CTNNA3: variants seen among roughly 807,000 people sequenced by gnomAD.
CTNNA3 encodes the protein catenin alpha-3.
Under a neutral mutation model 95.7 loss-of-function variants are expected in CTNNA3, and 76 were observed. The observed-to-expected ratio is 0.79, with a 90% CI of 0.66 to 0.96. CTNNA3 has a LOEUF of 0.96. Ranked by LOEUF, CTNNA3 falls within the 40% of genes least tolerant of loss-of-function variation. CTNNA3 has a pLI of 0.00. For synonymous variants in CTNNA3, 431 were observed against 374.4 expected (o/e 1.15, Z -1.74); for missense variants, 1,191 against 1,089.8 (o/e 1.09, Z -1.31).
intron 5 of CTNNA3, among the ~76,000 whole-genome samples, chr10:67,492,363 A>AC (rs5785826): frequency 1 from 152,072 of 152,358 alleles, 75,896 homozygotes; most frequent in Non-Finnish European, 1. Context: ...AAAGGCAGAA[A>AC]TAGATTACTG....
chr10:66,997,182 A>G (rs1383413015), intron 7 of CTNNA3, among the ~76,000 whole-genome samples: 2 of 152,134 alleles, frequency 1.3e-5, no homozygotes, highest in African/African-American at 4.8e-5. Flanking sequence ...AACCCTTTGT[A>G]TTATTTCAGC....
chr10:65,948,330 A>C (rs1237420921), intron 17 of CTNNA3, among the ~76,000 whole-genome samples: 1 of 151,722 alleles, frequency 6.6e-6, no homozygotes, highest in African/African-American at 2.4e-5. Flanking sequence ...AAGCGCATGC[A>C]TGCACACCCC....
intron 1 of CTNNA3, among the ~76,000 whole-genome samples, chr10:67,692,997 A>T (rs995421520): frequency 6.6e-6 from 1 of 152,224 alleles, no homozygotes; most frequent in African/African-American, 2.4e-5. Flanking sequence ...GCAGAAAATC[A>T]TCCTGGTTAG....
chr10:67,444,488 T>C (rs1846661724), intron 5 of CTNNA3, among the ~76,000 whole-genome samples: 1 of 151,594 alleles, frequency 6.6e-6, no homozygotes. Context: ...TTTAAAGACC[T>C]AAAAAAGCCA....
At chr10:66,399,942 T>A (rs74141489) in intron 11 of CTNNA3, among the ~76,000 whole-genome samples, 11,700 of 152,038 alleles carry the variant, frequency 0.077, 573 homozygotes, top group East Asian at 0.22. Context: ...TATCTCCTTG[T>A]CAAAACAGCA....
intron 13 of CTNNA3, among the ~76,000 whole-genome samples, chr10:66,239,464 C>G (rs1041686055): frequency 6.6e-6 from 1 of 151,820 alleles, no homozygotes; most frequent in African/African-American, 2.4e-5. Flanking sequence ...CTACAATTGT[C>G]TTTCGATAGC....
intron 5 of CTNNA3, among the ~76,000 whole-genome samples, chr10:67,490,252 T>C (rs754211210): frequency 6.6e-5 from 10 of 152,316 alleles, no homozygotes; most frequent in Non-Finnish European, 1.0e-4. Flanking sequence ...TCTCAAGTTA[T>C]TTGTTTCAAA....
intron 7 of CTNNA3, among the ~76,000 whole-genome samples, chr10:67,173,956 T>C (rs1261432582): frequency 1.3e-5 from 2 of 152,214 alleles, no homozygotes. Context: ...CAAAGGGCTC[T>C]CAGGCTTTAA....
At chr10:66,462,278 G>A (rs2131850890) in intron 11 of CTNNA3, among the ~76,000 whole-genome samples, 1 of 152,192 alleles carries the variant, frequency 6.6e-6, no homozygotes, top group East Asian at 1.9e-4. Flanking sequence ...TAAAGTTGGG[G>A]TGGAAAAGAG....
At chr10:67,035,323 T>C (rs981658291) in intron 7 of CTNNA3, among the ~76,000 whole-genome samples, 2 of 152,220 alleles carry the variant, frequency 1.3e-5, no homozygotes, top group African/African-American at 2.4e-5. Flanking sequence ...ATATTTACTG[T>C]TGTCAAAATA....
intron 5 of CTNNA3, among the ~76,000 whole-genome samples, chr10:67,407,717 G>T (rs905792733): frequency 6.6e-6 from 1 of 152,166 alleles, no homozygotes; most frequent in Non-Finnish European, 1.5e-5. Flanking sequence ...CTTCAGCAAA[G>T]TCTTAGGATA....
At chr10:67,209,973 T>C (rs1434939662) in intron 6 of CTNNA3, among the ~76,000 whole-genome samples, 1 of 151,838 alleles carries the variant, frequency 6.6e-6, no homozygotes, top group East Asian at 1.9e-4. Flanking sequence ...TTATAAAAGA[T>C]CAGCAAATTA....
chr10:67,280,045 A>G (rs891566198), intron 5 of CTNNA3, among the ~76,000 whole-genome samples: 4 of 150,558 alleles, frequency 2.7e-5, no homozygotes, highest in South Asian at 2.2e-4. Flanking sequence ...AGTCCAGAGA[A>G]CAATACCCCA....
intron 7 of CTNNA3, among the ~76,000 whole-genome samples, chr10:67,118,090 A>G (rs891964061): frequency 6.6e-6 from 1 of 152,054 alleles, no homozygotes; most frequent in East Asian, 1.9e-4. Context: ...TTCAGACAAC[A>G]GTGGGCGCAT....
At chr10:66,028,244 TG>T (rs1362286311) in intron 15 of CTNNA3, among the ~76,000 whole-genome samples, 3 of 152,236 alleles carry the variant, frequency 2.0e-5, no homozygotes, top group African/African-American at 7.2e-5. Flanking sequence ...TCCCCATTAC[TG>T]GGTATATACC....
intron 9 of CTNNA3, among the ~76,000 whole-genome samples, chr10:66,651,272 GA>G (rs1845887426): frequency 3.9e-5 from 6 of 152,144 alleles, no homozygotes; most frequent in Admixed American, 3.9e-4. Context: ...GCTAGATATG[GA>G]GTGCTGATTG....
rs539784900 is a variant in CTNNA3 at position 66,948,871 on chromosome 10, TAA to T, written c.1048-173349_1048-173348del. Among the ~76,000 whole-genome samples the T allele has an allele frequency of 2.6e-4, 39 of 152,298 alleles. No individual in the cohort carries two copies. The South Asian group carries it at 5.6e-3, about 22-fold the overall frequency. On this transcript the variant is annotated intron_variant, in intron 7 of 17. Coordinates refer to ENST00000433211, the MANE Select transcript of CTNNA3 (RefSeq NM_013266.4). ...TACTTCAGTGAAATGTTCTTTTCAG[TAA>T]AAGAGAGGGAGGAGAAGGTGTCAAG...
chr10:67,340,109 A>T (rs992043347), intron 5 of CTNNA3, among the ~76,000 whole-genome samples: 3 of 152,288 alleles, frequency 2.0e-5, no homozygotes, highest in African/African-American at 7.2e-5. Flanking sequence ...TTCAAGTATG[A>T]GATATAGAAA....
At chr10:66,382,139 C>T (rs1417980830) in intron 11 of CTNNA3, among the ~76,000 whole-genome samples, 3 of 152,070 alleles carry the variant, frequency 2.0e-5, no homozygotes, top group South Asian at 2.1e-4. Flanking sequence ...TTGCCTCACC[C>T]GGGAAGCACA....
Sources: allele counts gnomAD v4.1 joint callset (sites outside exome capture counted in the v4.1 genomes callset), GRCh38; gene constraint gnomAD v4.1.1; transcripts MANE v1.5; gene names NCBI Gene and HGNC (gene_info 2026-07-23, HGNC 2026-07-21).